ERCC5: variants seen among roughly 807,000 people sequenced by gnomAD.
ERCC5 encodes DNA excision repair protein ERCC-5.
Under a neutral mutation model 105.6 loss-of-function variants are expected in ERCC5, and 68 were observed. The observed-to-expected ratio is 0.64, with a 90% CI of 0.53 to 0.79. The LOEUF is 0.79. ERCC5 is among the 30% of genes least tolerant of loss of function. ERCC5 has a pLI of 0.00. For synonymous variants in ERCC5, 546 were observed against 526.2 expected, an observed-to-expected ratio of 1.04 and a Z score of -0.51; for missense variants, 1,373 against 1,426.7, an observed-to-expected ratio of 0.96 and a Z score of 0.61.
At chr13:102,856,219 A>T in intron 5 of ERCC5, 107 bp downstream of exon 5, 1 of 1,205,744 alleles carries the variant, frequency 8.3e-7, no homozygotes. Context: ...CCTGATAAAA[A>T]GTAAAGACAG....
chr13:102,850,734 C>T (rs1461468306), intron 1 of ERCC5, among the ~76,000 whole-genome samples: 1 of 152,064 alleles, frequency 6.6e-6, no homozygotes, highest in African/African-American at 2.4e-5. Flanking sequence ...TTTGAAATGT[C>T]TATGAGGTAT....
chr13:102,862,356 G>GTGTGTGC lies in ERCC5; in HGVS notation c.1210_1216dup (p.Gly406ValfsTer5). ...TCTTGACGATGACGAAGATGTAAAA[G>GTGTGTGC]TGTGTGCTGGGGATGATGTGCAGAC... On this transcript the variant is annotated frameshift_variant, in exon 8 of 15. Transcript: ENST00000652225. LOFTEE classifies it high-confidence loss of function. 17 of 1,614,202 alleles carry GTGTGTGC rather than the reference G, an allele frequency of 1.1e-5. No individual in the cohort carries two copies. The highest frequency in any genetic ancestry group is 1.4e-5 in the Non-Finnish European group (17 of 1,180,046).
chr13:102,873,133 A>C (rs2140539710), intron 13 of ERCC5, 126 bp from the exon 14 acceptor site: 1 of 1,126,668 alleles, frequency 8.9e-7, no homozygotes, highest in Admixed American at 2.0e-5. Context: ...TAGCACTCTA[A>C]TCTTTATAAA....
chr13:102,866,657 C>T lies in ERCC5; in HGVS notation c.2345C>T (p.Pro782Leu). 1 of 1,613,846 alleles carries T rather than the reference C, an allele frequency of 6.2e-7. No individual in the cohort carries two copies. Among genetic ancestry groups the T allele is most frequent in the Non-Finnish European group, 8.5e-7 (1 of 1,180,002 alleles). ...SQELLRLFGI[P>L]YIQAPMEAEA... is the part of the protein sequence containing the mutation. Reference sequence around the variant, plus strand: ...GAACTCCTGCGCCTGTTCGGCATTCCCTACATCCAGGCTCCCATGGAAGCA... The same window carrying T: ...GAACTCCTGCGCCTGTTCGGCATTCTCTACATCCAGGCTCCCATGGAAGCA... Residue 782 changes from proline (P) to leucine (L), a missense_variant, in exon 11 of 15, where the codon CCC (proline) becomes CTC (leucine). Transcript: ENST00000652225.
At chr13:102,858,951 T>C (rs4150299) in intron 6 of ERCC5, 247,770 of 455,732 alleles carry the variant, frequency 0.54, 69,752 homozygotes, top group Non-Finnish European at 0.59. Context: ...TGCCATTGGC[T>C]CTCCACATTC....
At chr13:102,866,109 G>C in intron 9 of ERCC5, 153 bp from the exon 10 acceptor site, 2 of 1,441,186 alleles carry the variant, frequency 1.4e-6, no homozygotes, top group South Asian at 1.2e-5. Context: ...AATCTCTAAA[G>C]ATATTACAGA....
intron 1 of ERCC5, among the ~76,000 whole-genome samples, chr13:102,850,173 G>A (rs1238533431): frequency 2.0e-5 from 3 of 152,076 alleles, no homozygotes; most frequent in African/African-American, 7.2e-5. Context: ...TGGTCTGCCC[G>A]CCTTGGCCTC....
At chr13:102,871,240 G>A (rs1283388897) in intron 12 of ERCC5, among the ~76,000 whole-genome samples, 2 of 152,180 alleles carry the variant, frequency 1.3e-5, no homozygotes, top group Middle Eastern at 3.2e-3. Context: ...AGGAAGTGGC[G>A]AGGGCCTCCC....
chr13:102,857,614 T>C (rs1483306283), intron 5 of ERCC5, among the ~76,000 whole-genome samples: 1 of 117,698 alleles, frequency 8.5e-6, no homozygotes, highest in Admixed American at 7.6e-5. Context: ...CACTTTTCCA[T>C]GTCTTCTGTG....
At chr13:102,869,214 A>G (rs1257660113) in intron 12 of ERCC5, among the ~76,000 whole-genome samples, 1 of 152,104 alleles carries the variant, frequency 6.6e-6, no homozygotes, top group Non-Finnish European at 1.5e-5. Context: ...GTCATAGCAC[A>G]CTCACCAATG....
chr13:102,849,433 A>T, intron 1 of ERCC5: 1 of 518,850 alleles, frequency 1.9e-6, no homozygotes, highest in Non-Finnish European at 3.8e-6. Flanking sequence ...TTCATGGCTG[A>T]ATTGTTTGGT....
rs563587995 is a variant in ERCC5 at position 102,872,363 on chromosome 13, T to C, written c.2844T>C (p.Phe948=). 134 of 1,614,208 alleles carry C rather than the reference T, an allele frequency of 8.3e-5. 2 individuals are homozygous for C. The South Asian group carries it at 1.4e-3, about 17-fold the overall frequency. Residue 948 remains phenylalanine, a synonymous_variant, in exon 13 of 15, where the codon TTT becomes TTC. Coordinates refer to ENST00000652225, the MANE Select transcript of ERCC5 (RefSeq NM_000123.4). ...TGGTGGATGACTCGAAGGGATCCTT[T>C]CTGTGGGGGAAACCTGATCTCGACA... ...KPVVDDSKGS[F]LWGKPDLDKI...
intron 11 of ERCC5, among the ~76,000 whole-genome samples, chr13:102,867,109 C>A (rs1327623272): frequency 1.3e-5 from 2 of 152,148 alleles, no homozygotes; most frequent in African/African-American, 4.8e-5. Context: ...CCACAGTGAA[C>A]AAAAGGTGGT....
chr13:102,875,277 A>T (rs750605301), intron 14 of ERCC5, 30 bp from the exon 15 acceptor site: 1 of 1,599,588 alleles, frequency 6.3e-7, no homozygotes, highest in Non-Finnish European at 8.5e-7. Flanking sequence ...TGTCTGATTT[A>T]TTATTATTAT....
At chr13:102,861,391 C>A in intron 6 of ERCC5, 116 bp from the exon 7 acceptor site, 1 of 1,043,756 alleles carries the variant, frequency 9.6e-7, no homozygotes, top group Non-Finnish European at 1.4e-6. Context: ...ATGAAACTAC[C>A]ATCAATGAAA....
At chr13:102,854,803 A>C (rs1882346814) in intron 4 of ERCC5, among the ~76,000 whole-genome samples, 1 of 152,168 alleles carries the variant, frequency 6.6e-6, no homozygotes, top group Non-Finnish European at 1.5e-5. Flanking sequence ...ACTTCTCTGC[A>C]CTAAACACCA....
chr13:102,859,442 A>C (rs1882543426), intron 6 of ERCC5, among the ~76,000 whole-genome samples: 1 of 152,258 alleles, frequency 6.6e-6, no homozygotes, highest in African/African-American at 2.4e-5. Context: ...TGGATATACA[A>C]AGGACAGAAG....
intron 8 of ERCC5, 27 bp downstream of exon 8, chr13:102,863,130 C>T (rs1566469479): frequency 6.2e-7 from 1 of 1,606,356 alleles, no homozygotes; most frequent in Non-Finnish European, 8.5e-7. Context: ...TTGTAGAAAT[C>T]TGGAACGGTA....
At chr13:102,856,857 A>C (rs1169139086) in intron 5 of ERCC5, among the ~76,000 whole-genome samples, 1 of 152,176 alleles carries the variant, frequency 6.6e-6, no homozygotes, top group Admixed American at 6.5e-5. Flanking sequence ...CTGTATTCCC[A>C]GTGTGGGCAT....
Sources: allele counts gnomAD v4.1 joint callset (sites outside exome capture counted in the v4.1 genomes callset), GRCh38; gene constraint gnomAD v4.1.1; transcripts MANE v1.5; gene names NCBI Gene and HGNC (gene_info 2026-07-23, HGNC 2026-07-21).